The following SEPTIN7 variants were observed in gnomAD, a reference collection of about 807,000 sequenced individuals.
SEPTIN7 encodes septin 7, also known as septin-7.
A neutral mutation model predicts 63.3 loss-of-function variants in SEPTIN7; 10 were observed. The observed-to-expected ratio is 0.16, with a 90% CI of 0.10 to 0.27. The LOEUF is 0.27. SEPTIN7 is among the 10% of genes least tolerant of loss of function. The pLI is 1.00. For missense variants in SEPTIN7, 310 were observed against 521.0 expected (o/e 0.59, Z 3.94); for synonymous variants, 131 against 165.3 (o/e 0.79, Z 1.59).
At chr7:35,902,852 TTCC>T in intron 12 of SEPTIN7, 1 of 494,192 alleles carries the variant, frequency 2.0e-6, no homozygotes, top group Non-Finnish European at 3.2e-6. Flanking sequence ...TTTTTTTTTT[TTCC>T]TGTTTCCCAA....
At chr7:35,845,698 A>G (rs1317830436) in intron 3 of SEPTIN7, among the ~76,000 whole-genome samples, 1 of 152,160 alleles carries the variant, frequency 6.6e-6, no homozygotes, top group African/African-American at 2.4e-5. Flanking sequence ...TGAAGGGTGC[A>G]CTTGCTTTAT....
chr7:35,812,735 T>C (rs1788806123), intron 1 of SEPTIN7, among the ~76,000 whole-genome samples: 1 of 152,226 alleles, frequency 6.6e-6, no homozygotes, highest in African/African-American at 2.4e-5. Flanking sequence ...GCTTCCAGTC[T>C]CTTCCCACTT....
At chr7:35,811,270 T>C (rs530978500) in intron 1 of SEPTIN7, among the ~76,000 whole-genome samples, 8 of 152,230 alleles carry the variant, frequency 5.3e-5, no homozygotes, top group African/African-American at 1.9e-4. Flanking sequence ...TTTTGGGGTA[T>C]GAGGCGATCT....
chr7:35,911,304 G>A (rs1427946226), downstream of SEPTIN7, among the ~76,000 whole-genome samples: 2 of 152,170 alleles, frequency 1.3e-5, no homozygotes, highest in Non-Finnish European at 2.9e-5. Flanking sequence ...ATCTTGGCTG[G>A]CAATAATGCC....
chr7:35,824,746 C>T (rs2115824643), intron 1 of SEPTIN7, among the ~76,000 whole-genome samples: 1 of 152,236 alleles, frequency 6.6e-6, no homozygotes, highest in Middle Eastern at 3.4e-3. Context: ...ATGCAAGCCA[C>T]ATATGTAATT....
rs1042804956 is a variant in SEPTIN7 at position 35,801,410 on chromosome 7, G to A, written c.61+140G>A. On this transcript the variant is annotated intron_variant, in intron 1 of 13. Coordinates refer to ENST00000350320, the MANE Select transcript of SEPTIN7 (RefSeq NM_001788.6). ...GAGGGGAGCCGGGATGGGGGCCACTGCGGGCCCGGGGCGCGGCAGCGGCGG... is the reference window on the plus strand; with the variant it reads ...GAGGGGAGCCGGGATGGGGGCCACTACGGGCCCGGGGCGCGGCAGCGGCGG... The A allele has an allele frequency of 1.7e-5, 18 of 1,069,190 alleles. No individual in the cohort carries two copies. The African/African-American group carries it at 2.0e-4, about 12-fold the overall frequency. 66.2% of individuals were successfully genotyped at this position (1,069,190 alleles called of 1,614,324 possible).
chr7:35,878,923 G>A (rs965648467), intron 6 of SEPTIN7, among the ~76,000 whole-genome samples: 10 of 152,306 alleles, frequency 6.6e-5, no homozygotes, highest in African/African-American at 2.4e-4. Context: ...TTGACCAATT[G>A]AAGATAATTG....
Position 35,890,739 on chromosome 7 carries a change from C to T in SEPTIN7, c.944C>T (p.Ala315Val), listed in dbSNP as rs988669499. Residue 315 changes from alanine to valine, a missense_variant, in exon 11 of 14, where the codon GCA becomes GTA. Around this residue, in one of 2 missense-constraint regions of SEPTIN7, gnomAD observed 255 missense variants for 490.5 expected, o/e 0.52. Transcript: ENST00000350320. ...HYENYRSRKL[A>V]AVTYNGVDNN... ...GAGAACTACAGAAGCAGAAAACTTG[C>T]AGCTGTGACTTATAATGGAGTTGAT... The T allele has an allele frequency of 2.5e-6, 4 of 1,598,916 alleles. No homozygotes were observed. Among genetic ancestry groups the T allele is most frequent in the Non-Finnish European group, 8.5e-7 (1 of 1,174,644 alleles).
downstream of SEPTIN7, chr7:35,907,134 A>G (rs1283804834): frequency 3.3e-5 from 5 of 152,248 alleles, no homozygotes; most frequent in Non-Finnish European, 7.3e-5. Context: ...ATTACTTTGC[A>G]CGTTGGAGGC....
chr7:35,901,860 T>C (rs908434691), intron 12 of SEPTIN7: 9 of 152,128 alleles, frequency 5.9e-5, no homozygotes, highest in African/African-American at 2.2e-4. Context: ...TGACATTTCT[T>C]AGTAACTTGT....
chr7:35,900,256 T>G (rs1283976315), intron 12 of SEPTIN7: 1 of 152,224 alleles, frequency 6.6e-6, no homozygotes, highest in Non-Finnish European at 1.5e-5. Flanking sequence ...TTCACTGTTG[T>G]TATATTTGTT....
chr7:35,885,890 G>A lies in SEPTIN7; in HGVS notation c.872+11G>A, dbSNP rs72496127. 7.2e-3 allele frequency: 11,277 copies of A among 1,569,426 alleles called. 948 individuals are homozygous for A. In the East Asian group the frequency reaches 0.21, roughly 29 times the overall value. On this transcript the variant is annotated intron_variant, in intron 10 of 13. Coordinates refer to ENST00000350320, the MANE Select transcript of SEPTIN7 (RefSeq NM_001788.6). ...AAATATGTTGATAAGGTAAGTGCAA[G>A]CAATGATGGAAATAGCATAAGATTT...
At chr7:35,830,182 CA>C (rs113659143) in intron 1 of SEPTIN7, among the ~76,000 whole-genome samples, 113 of 125,024 alleles carry the variant, frequency 9.0e-4, no homozygotes, top group Admixed American at 3.2e-3. Flanking sequence ...AATTCTGTCT[CA>C]AAAAAAAAAA....
chr7:35,819,923 A>G (rs976421196), intron 1 of SEPTIN7, among the ~76,000 whole-genome samples: 48 of 151,208 alleles, frequency 3.2e-4, no homozygotes, highest in African/African-American at 9.7e-4. Context: ...CATTAGTTAC[A>G]TTTAATCTAA....
chr7:35,864,559 AT>A (rs1785697584), intron 4 of SEPTIN7, among the ~76,000 whole-genome samples: 3 of 152,196 alleles, frequency 2.0e-5, no homozygotes, highest in African/African-American at 7.2e-5. Context: ...GGAAAAAAAA[AT>A]CTCAATAATT....
At chr7:35,872,870 A>C in intron 5 of SEPTIN7, 104 bp downstream of exon 5, 1 of 748,010 alleles carries the variant, frequency 1.3e-6, no homozygotes, top group Non-Finnish European at 2.3e-6. Flanking sequence ...AGCAAAGGTC[A>C]CCAAACTTCA....
Position 35,907,084 on chromosome 7 carries a change from GAAAT to G in SEPTIN7, c.*2795_*2798del, listed in dbSNP as rs763407681. On this transcript the variant is annotated 3_prime_UTR_variant, in exon 14 of 14. Coordinates refer to ENST00000350320, the MANE Select transcript of SEPTIN7 (RefSeq NM_001788.6). ...ATTATGGAACAAAATTTGAAAGAGT[GAAAT>G]AAAAGGTTTACACTTTCCCCAAGCT... The G allele has an allele frequency of 2.0e-5, 3 of 152,194 alleles. No individual in the cohort carries two copies. The highest frequency in any genetic ancestry group is 7.2e-5 in the African/African-American group (3 of 41,440). 9.4% of individuals were successfully genotyped at this position (152,194 alleles called of 1,614,324 possible).
intron 1 of SEPTIN7, among the ~76,000 whole-genome samples, chr7:35,821,319 C>T (rs1187639928): frequency 3.9e-5 from 6 of 152,130 alleles, no homozygotes; most frequent in Admixed American, 3.9e-4. Context: ...TTTAATGAAG[C>T]AGAATTTTCT....
intron 1 of SEPTIN7, among the ~76,000 whole-genome samples, chr7:35,823,890 A>G (rs1461828984): frequency 2.0e-5 from 3 of 151,124 alleles, no homozygotes; most frequent in Admixed American, 6.6e-5. Flanking sequence ...AAGTTGTTTT[A>G]TATCTGGTAC....
Sources: allele counts gnomAD v4.1 joint callset (sites outside exome capture counted in the v4.1 genomes callset), GRCh38; gene constraint gnomAD v4.1.1; regional missense constraint gnomAD v4.1.1; transcripts MANE v1.5; gene names NCBI Gene and HGNC (gene_info 2026-07-23, HGNC 2026-07-21).